The following DSE variants were observed in gnomAD, a reference collection of about 807,000 sequenced individuals.
DSE encodes dermatan sulfate epimerase.
A neutral mutation model predicts 84.4 loss-of-function variants in DSE; 36 were observed. The ratio of observed to expected loss-of-function variants is 0.43; its 90% confidence interval spans 0.33 to 0.56. The LOEUF (loss-of-function observed/expected upper bound fraction) is 0.56. Among genes scored for constraint, DSE ranks in the 20% least tolerant of loss-of-function variants. The probability of loss-of-function intolerance (pLI) is 0.06; values close to 1 mark genes in which losing one functional copy is unlikely to be tolerated. For missense variants in DSE, 862 were observed against 1,169.6 expected (o/e 0.74, Z 3.84); for synonymous variants, 410 against 430.1 (o/e 0.95, Z 0.58).
chr6:116,307,063 A>G (rs780671712), intron 2 of DSE, among the ~76,000 whole-genome samples: 26 of 152,200 alleles, frequency 1.7e-4, no homozygotes, highest in Non-Finnish European at 2.8e-4. Flanking sequence ...CACAGAGGTA[A>G]AATATAGCAG....
At chr6:116,259,068 G>A in intron 2 of DSE, 2 of 1,547,384 alleles carry the variant, frequency 1.3e-6, no homozygotes, top group Non-Finnish European at 1.8e-6. Context: ...AGAGCTTGAT[G>A]TCTGGGGTCT....
intron 2 of DSE, among the ~76,000 whole-genome samples, chr6:116,352,130 G>A (rs1003676564): frequency 3.2e-5 from 2 of 62,362 alleles, no homozygotes; most frequent in African/African-American, 1.6e-4. Context: ...AATTCTGCCT[G>A]TAAATATGTA....
At chr6:116,419,715 A>C (rs1398658093) in intron 2 of DSE, among the ~76,000 whole-genome samples, 3 of 152,208 alleles carry the variant, frequency 2.0e-5, no homozygotes, top group Non-Finnish European at 4.4e-5. Flanking sequence ...TAAATTTATA[A>C]TTTTTGTAAA....
intron 2 of DSE, among the ~76,000 whole-genome samples, chr6:116,353,035 T>G (rs917415551): frequency 1.3e-5 from 2 of 152,228 alleles, no homozygotes; most frequent in Non-Finnish European, 2.9e-5. Context: ...AAGAGAGAGA[T>G]ATGAGTCTTG....
chr6:116,301,959 A>G (rs1342620258), intron 2 of DSE, among the ~76,000 whole-genome samples: 2 of 152,232 alleles, frequency 1.3e-5, no homozygotes, highest in African/African-American at 4.8e-5. Flanking sequence ...TGCAAAGGAC[A>G]TGAAGCCATC....
chr6:116,300,484 T>C (rs892802545), intron 2 of DSE, among the ~76,000 whole-genome samples: 1 of 152,216 alleles, frequency 6.6e-6, no homozygotes. Context: ...GAGCTGGGAA[T>C]TTTTAGAATT....
chr6:116,284,574 A>G (rs1299201965), intron 2 of DSE, among the ~76,000 whole-genome samples: 1 of 151,912 alleles, frequency 6.6e-6, no homozygotes, highest in Non-Finnish European at 1.5e-5. Flanking sequence ...GGTTTGTTAC[A>G]TATGTATACT....
Position 116,436,614 on chromosome 6 carries a change from C to G in DSE, c.2146C>G (p.Arg716Gly), listed in dbSNP as rs762120249. The part of the protein sequence containing the change: ...QSAFAQVIAD[R>G]HKILFDRNSA... The stretch of plus-strand genomic sequence containing the variant: ...TGCCTTTGCACAGGTCATTGCTGAT[C>G]GTCACAAAATTCTGTTTGACCGGAA... The change falls in exon 6 of 6, where the codon CGT (arginine) becomes GGT (glycine). Residue 716 changes from arginine to glycine, a missense_variant. Transcript: ENST00000644252. 2.5e-6 allele frequency: 4 copies of G among 1,613,976 alleles called. No individual in the cohort carries two copies. Among genetic ancestry groups the G allele is most frequent in the African/African-American group, 2.7e-5 (2 of 74,880 alleles).
intron 1 of DSE, among the ~76,000 whole-genome samples, chr6:116,373,057 T>TAAAA (rs35753373): frequency 3.6e-4 from 52 of 145,526 alleles, no homozygotes; most frequent in Non-Finnish European, 6.2e-4. Context: ...GAAGGGGAAT[T>TAAAA]AAAAAAAAAA....
intron 2 of DSE, among the ~76,000 whole-genome samples, chr6:116,308,471 A>C (rs1249288888): frequency 1.3e-5 from 2 of 152,200 alleles, no homozygotes; most frequent in African/African-American, 4.8e-5. Flanking sequence ...GGAATATTGA[A>C]CAGGAGGTTA....
chr6:116,279,570 C>G, intron 2 of DSE: 1 of 1,602,836 alleles, frequency 6.2e-7, no homozygotes, highest in Non-Finnish European at 8.5e-7. Context: ...GACCGCGACC[C>G]CCAACAACTC....
chr6:116,317,890 C>T (rs1479611225), intron 2 of DSE, among the ~76,000 whole-genome samples: 1 of 152,146 alleles, frequency 6.6e-6, no homozygotes, highest in Non-Finnish European at 1.5e-5. Context: ...AAACTGGTAG[C>T]AGATATCAGG....
chr6:116,305,262 C>T, intron 2 of DSE, among the ~76,000 whole-genome samples: 1 of 152,246 alleles, frequency 6.6e-6, no homozygotes, highest in East Asian at 1.9e-4. Context: ...TCTCCCAAGG[C>T]TCCTCCCTGC....
At chr6:116,400,061 T>TA (rs1317010932) in intron 2 of DSE, 2 of 173,230 alleles carry the variant, frequency 1.2e-5, no homozygotes, top group South Asian at 1.4e-4. Flanking sequence ...AATTAAGACT[T>TA]ACTTGCATTT....
chr6:116,419,393 A>G (rs17077943), intron 2 of DSE, among the ~76,000 whole-genome samples: 1,721 of 152,346 alleles, frequency 0.011, 34 homozygotes, highest in African/African-American at 0.04. Context: ...GTGGTAATAC[A>G]TGACTGTCTT....
intron 1 of DSE, among the ~76,000 whole-genome samples, chr6:116,383,221 A>T (rs751156393): frequency 1.3e-5 from 2 of 152,230 alleles, no homozygotes; most frequent in Non-Finnish European, 2.9e-5. Flanking sequence ...AGGGCTAGAC[A>T]TAAGAAGAGA....
At chr6:116,348,570 T>C (rs1778133458) in intron 2 of DSE, among the ~76,000 whole-genome samples, 1 of 152,210 alleles carries the variant, frequency 6.6e-6, no homozygotes, top group African/African-American at 2.4e-5. Context: ...AGTGTGGCGA[T>C]TCCTCAAGGA....
In DSE at chr6:116,444,685, T is replaced by C. The variant is rs1233562639; in HGVS notation, c.*7340T>C. 11 of 152,142 alleles carry C rather than the reference T, an allele frequency of 7.2e-5. No homozygotes were observed. The highest frequency in any genetic ancestry group is 2.7e-4 in the African/African-American group (11 of 41,416). 9.4% of individuals were successfully genotyped at this position (152,142 alleles called of 1,614,324 possible). On this transcript the variant is annotated 3_prime_UTR_variant, in exon 6 of 6. Coordinates refer to ENST00000644252, the MANE Select transcript of DSE (RefSeq NM_013352.4). ...CTCGTGAATGGGAGTAGTATCCTTA[T>C]AAAAGATACCCCAGAGAGGTCCCTT... is the stretch of plus-strand genomic sequence containing the variant.
intron 2 of DSE, among the ~76,000 whole-genome samples, chr6:116,266,830 T>C (rs558787162): frequency 1.3e-5 from 2 of 152,322 alleles, no homozygotes; most frequent in South Asian, 2.1e-4. Flanking sequence ...CTTGTAAAAA[T>C]ACAGCACATA....
Sources: gnomAD v4.1 joint callset for allele counts (sites outside exome capture counted in the v4.1 genomes callset) on GRCh38, gnomAD v4.1.1 for gene constraint, MANE v1.5 for transcripts, NCBI Gene and HGNC (gene_info 2026-07-23, HGNC 2026-07-21) for gene names.